Variants in ROCK1 observed in about 807,000 individuals in gnomAD.
ROCK1 encodes the protein rho-associated protein kinase 1.
In ROCK1, 36 loss-of-function variants were observed where a neutral mutation model predicts 196.8. The ratio of observed to expected loss-of-function variants is 0.18; its 90% confidence interval spans 0.14 to 0.24. The LOEUF (loss-of-function observed/expected upper bound fraction) is 0.24, where lower values mean the gene tolerates loss of function less well. ROCK1 is among the 10% of genes least tolerant of loss of function. ROCK1 has a pLI of 1.00. For missense variants in ROCK1, 920 were observed against 1,562.0 expected, an observed-to-expected ratio of 0.59 and a Z score of 6.93; for synonymous variants, 443 against 515.9, an observed-to-expected ratio of 0.86 and a Z score of 1.91.
chr18:21,029,806 A>C (rs905534347), intron 9 of ROCK1, among the ~76,000 whole-genome samples: 1 of 152,168 alleles, frequency 6.6e-6, no homozygotes, highest in African/African-American at 2.4e-5. Context: ...ATAAATTCTA[A>C]GAAAATAAAA....
chr18:21,018,149 G>A (rs1009377900), intron 12 of ROCK1, among the ~76,000 whole-genome samples: 2 of 151,674 alleles, frequency 1.3e-5, no homozygotes, highest in African/African-American at 4.8e-5. Flanking sequence ...ATGATTATTA[G>A]CCAATTCAGC....
intron 1 of ROCK1, among the ~76,000 whole-genome samples, chr18:21,074,888 T>C (rs1304167227): frequency 6.6e-6 from 1 of 152,004 alleles, no homozygotes; most frequent in Non-Finnish European, 1.5e-5. Context: ...GAGCTGAACC[T>C]TGAAGAATAG....
intron 1 of ROCK1, among the ~76,000 whole-genome samples, chr18:21,099,517 G>A (rs1036302485): frequency 3.3e-5 from 5 of 152,170 alleles, no homozygotes; most frequent in Non-Finnish European, 2.9e-5. Context: ...GTTGTGGTGG[G>A]AGGATCCCTT....
intron 1 of ROCK1, among the ~76,000 whole-genome samples, chr18:21,085,554 T>G (rs2036519926): frequency 6.6e-6 from 1 of 152,114 alleles, no homozygotes; most frequent in Non-Finnish European, 1.5e-5. Context: ...AACTTAAACT[T>G]GATGAAACAT....
intron 9 of ROCK1, among the ~76,000 whole-genome samples, chr18:21,033,615 T>C (rs536842823): frequency 5.9e-5 from 9 of 151,976 alleles, no homozygotes; most frequent in East Asian, 1.9e-4. Flanking sequence ...TTAGAGGTAA[T>C]AGACAAATTC....
chr18:21,028,166 C>T (rs1049388901), intron 10 of ROCK1, among the ~76,000 whole-genome samples: 9 of 150,698 alleles, frequency 6.0e-5, no homozygotes, highest in Non-Finnish European at 1.0e-4. Context: ...GCCTGTAATC[C>T]CAGCACTTTG....
At chr18:20,991,908 G>C (rs2035629924) in intron 17 of ROCK1, among the ~76,000 whole-genome samples, 1 of 152,048 alleles carries the variant, frequency 6.6e-6, no homozygotes, top group African/African-American at 2.4e-5. Flanking sequence ...AAAGTGTTGG[G>C]TCTACAGGCA....
At chr18:21,020,112 T>TA in intron 12 of ROCK1, 39 bp downstream of exon 12, 1 of 1,251,424 alleles carries the variant, frequency 8.0e-7, no homozygotes, top group Non-Finnish European at 1.1e-6. Flanking sequence ...ATTTGGTATA[T>TA]AAAACTTTTA....
At position 20,947,584 on chromosome 18, in the gene ROCK1, G is replaced by A. The variant is rs1471337341; in HGVS notation, c.*3800C>T. On this transcript the variant is annotated 3_prime_UTR_variant, in exon 33 of 33. Transcript: ENST00000399799. Reference sequence around the variant, plus strand: ...AGGCACGGTGGCCTACACCTGTAATGAGAGAGTAAAACTGCTTGAGGCTAG... The same window carrying A: ...AGGCACGGTGGCCTACACCTGTAATAAGAGAGTAAAACTGCTTGAGGCTAG... 3 of 152,096 alleles carry A rather than the reference G, an allele frequency of 2.0e-5. No individual in the cohort carries two copies. Among genetic ancestry groups the A allele is most frequent in the African/African-American group, 2.4e-5 (1 of 41,414 alleles). The allele number at this position is 152,096 out of a possible 1,614,324, so 9.4% of individuals were successfully genotyped here.
At chr18:21,069,252 T>C (rs145682151) in intron 2 of ROCK1, among the ~76,000 whole-genome samples, 460 of 152,230 alleles carry the variant, frequency 3.0e-3, no homozygotes, top group Middle Eastern at 6.8e-3. Flanking sequence ...TAAATTAAGC[T>C]AACTGATTTT....
intron 29 of ROCK1, among the ~76,000 whole-genome samples, chr18:20,958,777 A>G (rs960458771): frequency 1.4e-5 from 2 of 147,016 alleles, no homozygotes; most frequent in Non-Finnish European, 3.0e-5. Context: ...TGTATTACTC[A>G]TAAGACATAA....
At chr18:20,974,060 G>A (rs752075979) in intron 22 of ROCK1, among the ~76,000 whole-genome samples, 16 of 152,188 alleles carry the variant, frequency 1.1e-4, no homozygotes, top group Admixed American at 2.6e-4. Flanking sequence ...GTGAGCCACC[G>A]TGCCCAGCAA....
chr18:21,077,147 G>C (rs1168071734), intron 1 of ROCK1, among the ~76,000 whole-genome samples: 9 of 151,102 alleles, frequency 6.0e-5, no homozygotes, highest in African/African-American at 2.2e-4. Context: ...CTAATTTTTT[G>C]TATTTTTAGT....
chr18:21,045,262 T>A, intron 5 of ROCK1, 30 bp downstream of exon 5: 2 of 1,541,274 alleles, frequency 1.3e-6, no homozygotes, highest in Non-Finnish European at 1.7e-6. Context: ...CCTCAACAAA[T>A]GAGAAAATTT....
chr18:21,010,509 T>C (rs184586304), intron 13 of ROCK1, among the ~76,000 whole-genome samples: 1 of 152,332 alleles, frequency 6.6e-6, no homozygotes, highest in East Asian at 1.9e-4. Context: ...TCTGGGTTAT[T>C]TAGAAGTTTA....
At chr18:21,065,290 C>T (rs959548461) in intron 2 of ROCK1, among the ~76,000 whole-genome samples, 3 of 152,010 alleles carry the variant, frequency 2.0e-5, no homozygotes, top group African/African-American at 4.8e-5. Flanking sequence ...TTTATCACTA[C>T]CATAGCTATT....
At chr18:21,024,055 T>G (rs563781511) in intron 10 of ROCK1, among the ~76,000 whole-genome samples, 31 of 152,292 alleles carry the variant, frequency 2.0e-4, no homozygotes, top group African/African-American at 7.2e-4. Flanking sequence ...CTTAAAAACA[T>G]TCAGTTTTCA....
chr18:21,033,115 T>C (rs1343336350), intron 9 of ROCK1, among the ~76,000 whole-genome samples: 1 of 152,052 alleles, frequency 6.6e-6, no homozygotes. Context: ...GAGGATCCCT[T>C]GGGTCTGAGA....
At chr18:20,961,711 C>A (rs1310571905) in intron 27 of ROCK1, among the ~76,000 whole-genome samples, 1 of 152,076 alleles carries the variant, frequency 6.6e-6, no homozygotes, top group African/African-American at 2.4e-5. Context: ...TGTCTCCACA[C>A]CTTTGCTTGT....
Sources: gnomAD v4.1 joint callset for allele counts (sites outside exome capture counted in the v4.1 genomes callset) on GRCh38, gnomAD v4.1.1 for gene constraint, MANE v1.5 for transcripts, NCBI Gene and HGNC (gene_info 2026-07-23, HGNC 2026-07-21) for gene names.